The following CCN4 variants were observed in gnomAD, a reference collection of about 807,000 sequenced individuals.
CCN4 encodes CCN family member 4.
In CCN4, 30 loss-of-function variants were observed where a neutral mutation model predicts 36.7. The observed-to-expected ratio is 0.82, with a 90% CI of 0.61 to 1.11. The LOEUF (loss-of-function observed/expected upper bound fraction) is 1.11, where lower values mean the gene tolerates loss of function less well. CCN4 is among the 50% of genes least tolerant of loss of function. CCN4 has a pLI of 0.00. For synonymous variants in CCN4, 191 were observed against 195.4 expected (o/e 0.98, Z 0.19); for missense variants, 505 against 504.9 (o/e 1.00, Z 0.00).
In CCN4 at chr8:133,227,631, G is replaced by C; in HGVS notation, c.1025G>C (p.Cys342Ser). The change falls in exon 5 of 5, where the codon TGT (cysteine) becomes TCT (serine). Residue 342 changes from cysteine to serine, a missense_variant. Transcript: ENST00000250160. ...RQVLWINACF[C>S]NLSCRNPNDI... ...GTCCTATGGATTAATGCCTGCTTCT[G>C]TAACCTGAGCTGTAGGAATCCCAAT... 1 of 1,614,222 alleles carries C rather than the reference G, an allele frequency of 6.2e-7. No homozygotes were observed. Among genetic ancestry groups the C allele is most frequent in the South Asian group, 1.1e-5 (1 of 91,086 alleles).
chr8:133,203,004 A>G (rs1853642837), intron 1 of CCN4, among the ~76,000 whole-genome samples: 1 of 152,248 alleles, frequency 6.6e-6, no homozygotes, highest in Non-Finnish European at 1.5e-5. Context: ...TGCTTCCAGC[A>G]GGACAACCCT....
At chr8:133,211,490 G>A (rs1048858710) in intron 1 of CCN4, among the ~76,000 whole-genome samples, 4 of 152,244 alleles carry the variant, frequency 2.6e-5, no homozygotes, top group African/African-American at 9.6e-5. Context: ...GCTGTGAACT[G>A]TGTCATCCTG....
chr8:133,212,486 A>G (rs1039530805), intron 1 of CCN4, among the ~76,000 whole-genome samples: 4 of 152,162 alleles, frequency 2.6e-5, no homozygotes, highest in African/African-American at 2.4e-5. Context: ...GCGCAGCCAC[A>G]TGACTCACAG....
chr8:133,191,361 G>A (rs1377627593), intron 1 of CCN4, 148 bp downstream of exon 1: 3 of 970,980 alleles, frequency 3.1e-6, no homozygotes, highest in Non-Finnish European at 3.0e-6. Flanking sequence ...CAGAGCCCAG[G>A]GTGAGGAGTC....
At chr8:133,212,763 C>A in intron 1 of CCN4, 101 bp from the exon 2 acceptor site, 1 of 910,660 alleles carries the variant, frequency 1.1e-6, no homozygotes, top group Non-Finnish European at 1.6e-6. Context: ...TTTATGAAAA[C>A]CTTTTGAACA....
intron 1 of CCN4, among the ~76,000 whole-genome samples, chr8:133,201,306 C>A (rs1455429690): frequency 2.6e-5 from 4 of 152,078 alleles, no homozygotes; most frequent in African/African-American, 9.7e-5. Context: ...AAATTACTTA[C>A]TTAAAATGTA....
chr8:133,226,331 C>G (rs1854734826), intron 4 of CCN4, among the ~76,000 whole-genome samples: 1 of 152,170 alleles, frequency 6.6e-6, no homozygotes, highest in African/African-American at 2.4e-5. Flanking sequence ...GGGTTGCCTC[C>G]CATGTAGAAA....
chr8:133,216,383 A>G (rs1854322528), intron 2 of CCN4, among the ~76,000 whole-genome samples: 1 of 152,158 alleles, frequency 6.6e-6, no homozygotes, highest in African/African-American at 2.4e-5. Flanking sequence ...GATGGGGACA[A>G]TGGCAATCTG....
At chr8:133,212,201 C>CT (rs2130576547) in intron 1 of CCN4, among the ~76,000 whole-genome samples, 1 of 152,222 alleles carries the variant, frequency 6.6e-6, no homozygotes, top group East Asian at 1.9e-4. Context: ...AAAAGGGCTC[C>CT]TCCATGTAGG....
chr8:133,212,738 G>T, intron 1 of CCN4, 126 bp from the exon 2 acceptor site: 1 of 768,380 alleles, frequency 1.3e-6, no homozygotes, highest in Non-Finnish European at 2.1e-6. Context: ...TCAAAAGCGT[G>T]ATAGAAAAAA....
rs376127099 is a variant in CCN4 at position 133,225,387 on chromosome 8, C to G, written c.611-3C>G. 3.1e-5 allele frequency: 49 copies of G among 1,594,296 alleles called. No homozygotes were observed. The highest frequency in any genetic ancestry group is 4.0e-5 in the Non-Finnish European group (47 of 1,167,236). ...TCATGCAGATTCTGTTCCCCACACA[C>G]AGATGCTGTGGGTGAGGTGGAGGCA... On this transcript the variant is annotated splice_region_variant and splice_polypyrimidine_tract_variant and intron_variant, in intron 3 of 4. Transcript: ENST00000250160.
At chr8:133,215,616 T>C (rs1470346935) in intron 2 of CCN4, among the ~76,000 whole-genome samples, 1 of 151,938 alleles carries the variant, frequency 6.6e-6, no homozygotes, top group African/African-American at 2.4e-5. Context: ...GAAAACCCCC[T>C]TCCCTGTCCT....
intron 2 of CCN4, 61 bp from the exon 3 acceptor site, chr8:133,220,520 G>A: frequency 6.3e-7 from 1 of 1,583,372 alleles, no homozygotes; most frequent in Non-Finnish European, 8.6e-7. Flanking sequence ...CCCTATAAAG[G>A]CAGCTGGGCC....
intron 1 of CCN4, among the ~76,000 whole-genome samples, chr8:133,209,804 C>T (rs139770345): frequency 6.6e-6 from 1 of 152,358 alleles, no homozygotes; most frequent in African/African-American, 2.4e-5. Context: ...TGCCATGTGA[C>T]ATGTGCCAGG....
At chr8:133,197,815 C>A (rs1853442868) in intron 1 of CCN4, among the ~76,000 whole-genome samples, 1 of 152,114 alleles carries the variant, frequency 6.6e-6, no homozygotes, top group Non-Finnish European at 1.5e-5. Context: ...GAGGGGTCCA[C>A]CCTGCAGCTC....
chr8:133,195,537 A>T (rs1588178772), intron 1 of CCN4, among the ~76,000 whole-genome samples: 1 of 151,718 alleles, frequency 6.6e-6, no homozygotes, highest in South Asian at 2.1e-4. Context: ...CCAACTCCCC[A>T]CCCAGAGCCT....
intron 2 of CCN4, among the ~76,000 whole-genome samples, chr8:133,214,505 G>A (rs183265947): frequency 4.5e-4 from 68 of 150,820 alleles, no homozygotes; most frequent in African/African-American, 1.6e-3. Context: ...CTGTTTGGAG[G>A]TGGTTGTTGT....
intron 1 of CCN4, among the ~76,000 whole-genome samples, chr8:133,194,445 GT>G (rs1853248069): frequency 2.5e-5 from 1 of 40,036 alleles, no homozygotes; most frequent in Non-Finnish European, 4.2e-5. Context: ...TGTGTGTGGT[GT>G]GTGTGTGGTA....
At chr8:133,207,161 A>G (rs1853809406) in intron 1 of CCN4, among the ~76,000 whole-genome samples, 1 of 152,256 alleles carries the variant, frequency 6.6e-6, no homozygotes, top group Non-Finnish European at 1.5e-5. Flanking sequence ...CCGGCTCTCC[A>G]GGAGAAGTTC....
Sources: allele counts gnomAD v4.1 joint callset (sites outside exome capture counted in the v4.1 genomes callset), GRCh38; gene constraint gnomAD v4.1.1; transcripts MANE v1.5; gene names NCBI Gene and HGNC (gene_info 2026-07-23, HGNC 2026-07-21).